Variants in CENPW observed in about 807,000 individuals in gnomAD.
The protein encoded by CENPW is centromere protein W, also known as cancer-up-regulated gene 2 protein.
CENPW carries 3 observed loss-of-function variants against 11.1 expected under a neutral mutation model. That is an observed-to-expected ratio of 0.27 (90% confidence interval 0.12 to 0.70). The LOEUF (loss-of-function observed/expected upper bound fraction) is 0.70, where lower values mean the gene tolerates loss of function less well. CENPW is among the 30% of genes least tolerant of loss of function. CENPW has a pLI of 0.77. For synonymous variants in CENPW, 38 were observed against 42.0 expected, an observed-to-expected ratio of 0.91 and a Z score of 0.37; for missense variants, 100 against 105.6, an observed-to-expected ratio of 0.95 and a Z score of 0.23.
the CENPW span, among the ~76,000 whole-genome samples, chr6:126,435,866 G>C: frequency 1.3e-5 from 2 of 151,590 alleles, no homozygotes; most frequent in East Asian, 3.9e-4. Flanking sequence ...TTTGTTTTTT[G>C]AAAAGTATGC....
chr6:126,410,708 G>A, the CENPW span, among the ~76,000 whole-genome samples: 4 of 151,476 alleles, frequency 2.6e-5, no homozygotes, highest in Non-Finnish European at 4.4e-5. Flanking sequence ...TTTTCCCTGT[G>A]AGTAATTTTA....
chr6:126,452,700 G>T, the CENPW span, among the ~76,000 whole-genome samples: 1 of 150,892 alleles, frequency 6.6e-6, no homozygotes, highest in Non-Finnish European at 1.5e-5. Flanking sequence ...AAAAAGTGCA[G>T]TACTGAAAAA....
chr6:126,435,400 A>G, the CENPW span, among the ~76,000 whole-genome samples: 1 of 151,802 alleles, frequency 6.6e-6, no homozygotes. Flanking sequence ...TTAAAAGGTT[A>G]TTTAGTCTCT....
downstream of CENPW, among the ~76,000 whole-genome samples, chr6:126,351,477 T>G (rs1780490217): frequency 1.3e-5 from 2 of 152,128 alleles, no homozygotes; most frequent in Non-Finnish European, 2.9e-5. Flanking sequence ...GGTGTTTATA[T>G]GCCACATACT....
chr6:126,405,766 A>G, the CENPW span, among the ~76,000 whole-genome samples: 47 of 152,148 alleles, frequency 3.1e-4, no homozygotes, highest in South Asian at 2.5e-3. Flanking sequence ...TTAAAATGGA[A>G]TGGTTTTTTA....
chr6:126,417,487 C>T, the CENPW span, among the ~76,000 whole-genome samples: 40 of 152,134 alleles, frequency 2.6e-4, no homozygotes, highest in African/African-American at 9.4e-4. Flanking sequence ...AGCTCTGTCC[C>T]CACCCAAATC....
chr6:126,473,813 A>ATATATAGAATATATATGCACAGCATAGT, the CENPW span, among the ~76,000 whole-genome samples: 1 of 149,504 alleles, frequency 6.7e-6, no homozygotes, highest in Non-Finnish European at 1.5e-5. Flanking sequence ...CACAGCATAG[A>ATATATAGAATATATATGCACAGCATAGT]TATATAGAAT....
chr6:126,409,798 A>G, the CENPW span, among the ~76,000 whole-genome samples: 1 of 151,906 alleles, frequency 6.6e-6, no homozygotes, highest in Non-Finnish European at 1.5e-5. Flanking sequence ...ATCTATACAC[A>G]TCTTTACCAG....
At chr6:126,453,937 G>T in the CENPW span, among the ~76,000 whole-genome samples, 3 of 150,780 alleles carry the variant, frequency 2.0e-5, no homozygotes, top group South Asian at 6.2e-4. Context: ...CTTTAAACTG[G>T]CAAAGATCAA....
the CENPW span, among the ~76,000 whole-genome samples, chr6:126,374,302 G>C: frequency 6.6e-6 from 1 of 152,174 alleles, no homozygotes; most frequent in African/African-American, 2.4e-5. Context: ...GCAATTCTAA[G>C]TAGGGACTGT....
the CENPW span, among the ~76,000 whole-genome samples, chr6:126,398,710 C>A: frequency 6.6e-6 from 1 of 151,980 alleles, no homozygotes; most frequent in African/African-American, 2.4e-5. Context: ...AGATTTGTTA[C>A]ATGGGTATAT....
the CENPW span, among the ~76,000 whole-genome samples, chr6:126,470,634 T>A: frequency 3.0e-4 from 45 of 152,270 alleles, no homozygotes; most frequent in African/African-American, 8.9e-4. Flanking sequence ...CCTGTGCATG[T>A]GGAAAAGCTG....
At chr6:126,477,059 A>G in the CENPW span, among the ~76,000 whole-genome samples, 83 of 152,132 alleles carry the variant, frequency 5.5e-4, no homozygotes, top group African/African-American at 1.8e-3. Flanking sequence ...AATTAATATT[A>G]CCACATTCAA....
chr6:126,383,692 G>A, the CENPW span, among the ~76,000 whole-genome samples: 408 of 152,264 alleles, frequency 2.7e-3, 2 homozygotes, highest in Middle Eastern at 0.027. Flanking sequence ...ATTACATAAT[G>A]ATGAAGGGAT....
chr6:126,368,047 G>T, the CENPW span, among the ~76,000 whole-genome samples: 3 of 152,164 alleles, frequency 2.0e-5, no homozygotes, highest in African/African-American at 7.2e-5. Context: ...GGTGATTTAG[G>T]TTTTCTGTGG....
At chr6:126,375,537 C>T in the CENPW span, among the ~76,000 whole-genome samples, 1 of 152,110 alleles carries the variant, frequency 6.6e-6, no homozygotes, top group Non-Finnish European at 1.5e-5. Context: ...TTGATGTTCT[C>T]TGCCTCTCAC....
the CENPW span, among the ~76,000 whole-genome samples, chr6:126,402,319 C>G: frequency 6.6e-6 from 1 of 151,552 alleles, no homozygotes; most frequent in Non-Finnish European, 1.5e-5. Context: ...TCTCTCTCCT[C>G]CCTTCCTTCC....
At chr6:126,451,567 AG>A in the CENPW span, among the ~76,000 whole-genome samples, 1 of 151,104 alleles carries the variant, frequency 6.6e-6, no homozygotes, top group South Asian at 2.1e-4. Flanking sequence ...CTGGTCCCCA[AG>A]CAAGCTTGTA....
chr6:126,466,432 AG>A, the CENPW span, among the ~76,000 whole-genome samples: 2 of 152,150 alleles, frequency 1.3e-5, no homozygotes, highest in African/African-American at 4.8e-5. Flanking sequence ...TGAACAATTA[AG>A]TAAATTTATG....
Sources: allele counts gnomAD v4.1 joint callset (sites outside exome capture counted in the v4.1 genomes callset), GRCh38; gene constraint gnomAD v4.1.1; transcripts MANE v1.5; gene names NCBI Gene and HGNC (gene_info 2026-07-23, HGNC 2026-07-21).